The following MINDY4 variants were observed in gnomAD, a reference collection of about 807,000 sequenced individuals.
The protein encoded by MINDY4 is MINDY lysine 48 deubiquitinase 4.
Under a neutral mutation model 87.0 loss-of-function variants are expected in MINDY4, and 68 were observed. The observed-to-expected ratio is 0.78, with a 90% CI of 0.64 to 0.96. The LOEUF (loss-of-function observed/expected upper bound fraction) is 0.96. MINDY4 is among the 40% of genes least tolerant of loss of function. The pLI is 0.00. For missense variants in MINDY4, 919 were observed against 928.2 expected, an observed-to-expected ratio of 0.99 and a Z score of 0.13; for synonymous variants, 379 against 363.2, an observed-to-expected ratio of 1.04 and a Z score of -0.50.
At chr7:30,835,338 T>C (rs981786277) in intron 6 of MINDY4, among the ~76,000 whole-genome samples, 1 of 152,220 alleles carries the variant, frequency 6.6e-6, no homozygotes, top group African/African-American at 2.4e-5. Context: ...GTGAGACTTA[T>C]TCACTATCAT....
chr7:30,819,829 A>G (rs1202573955), intron 5 of MINDY4, among the ~76,000 whole-genome samples: 2 of 149,678 alleles, frequency 1.3e-5, no homozygotes, highest in Non-Finnish European at 3.0e-5. Context: ...TACAAGTGGT[A>G]TATTTTTGCC....
chr7:30,891,870 C>T, intron 17 of MINDY4, 87 bp from the exon 18 acceptor site: 2 of 1,376,884 alleles, frequency 1.5e-6, no homozygotes, highest in East Asian at 2.3e-5. Context: ...AAGACAAAAC[C>T]TTCAGGAAGT....
intron 5 of MINDY4, among the ~76,000 whole-genome samples, chr7:30,817,384 T>TTTG: frequency 6.6e-6 from 1 of 151,844 alleles, no homozygotes; most frequent in Non-Finnish European, 1.5e-5. Flanking sequence ...TTTTTTTTTT[T>TTTG]TTAGCATTCT....
intron 11 of MINDY4, among the ~76,000 whole-genome samples, 160 bp from the exon 12 acceptor site, chr7:30,853,234 G>A (rs1179616776): frequency 6.6e-6 from 1 of 152,216 alleles, no homozygotes; most frequent in African/African-American, 2.4e-5. Context: ...TACAGGTATG[G>A]CCGTGCCTCT....
chr7:30,847,477 C>T (rs1435106201), intron 9 of MINDY4, among the ~76,000 whole-genome samples: 1 of 152,168 alleles, frequency 6.6e-6, no homozygotes, highest in Non-Finnish European at 1.5e-5. Context: ...CAGGTGCCCA[C>T]GGCAGTTGGT....
intron 5 of MINDY4, among the ~76,000 whole-genome samples, chr7:30,798,777 C>T (rs952525441): frequency 2.0e-5 from 3 of 152,184 alleles, no homozygotes; most frequent in Admixed American, 6.5e-5. Context: ...GGATTACAGG[C>T]GTGAGCCACT....
At position 30,807,833 on chromosome 7, in the gene MINDY4, G is replaced by A. The variant is rs150827375; in HGVS notation, c.1073+16259G>A. On this transcript the variant is annotated intron_variant, in intron 5 of 17. Transcript: ENST00000265299. Reference sequence around the variant, plus strand: ...TCAGTTGATCACGACCCTCTCACGCGGACTCTGTTAGAATTGTGCGCCCTT... The same window carrying A: ...TCAGTTGATCACGACCCTCTCACGCAGACTCTGTTAGAATTGTGCGCCCTT... 2.5e-3 allele frequency among the ~76,000 whole-genome samples: 387 copies of A among 152,274 alleles called. 2 individuals are homozygous for A. Among genetic ancestry groups the A allele is most frequent in the African/African-American group, 8.7e-3 (361 of 41,544 alleles).
At chr7:30,834,041 C>T (rs1432264121) in intron 6 of MINDY4, among the ~76,000 whole-genome samples, 1 of 152,214 alleles carries the variant, frequency 6.6e-6, no homozygotes, top group East Asian at 1.9e-4. Flanking sequence ...GCACATGGTG[C>T]AAGCTGTTGG....
intron 13 of MINDY4, among the ~76,000 whole-genome samples, chr7:30,860,836 C>T (rs1789736796): frequency 6.6e-6 from 1 of 152,144 alleles, no homozygotes; most frequent in Non-Finnish European, 1.5e-5. Flanking sequence ...CTACCCTTTC[C>T]AATCAAGCTG....
chr7:30,860,217 G>A (rs760507552), intron 13 of MINDY4, among the ~76,000 whole-genome samples: 7 of 152,200 alleles, frequency 4.6e-5, no homozygotes, highest in Middle Eastern at 3.4e-3. Flanking sequence ...GCCCAGGGGC[G>A]GGAGGTCACA....
chr7:30,804,863 A>C (rs1428385950), intron 5 of MINDY4, among the ~76,000 whole-genome samples: 3 of 152,154 alleles, frequency 2.0e-5, no homozygotes, highest in African/African-American at 7.2e-5. Context: ...AAGGACATAG[A>C]GGGCAGGTCT....
At chr7:30,804,996 C>T (rs763379072) in intron 5 of MINDY4, among the ~76,000 whole-genome samples, 2 of 152,156 alleles carry the variant, frequency 1.3e-5, no homozygotes, top group South Asian at 2.1e-4. Flanking sequence ...ACTGCAGGCC[C>T]GACAGGTGCC....
intron 5 of MINDY4, among the ~76,000 whole-genome samples, chr7:30,801,636 A>C (rs1307500924): frequency 1.3e-5 from 2 of 152,090 alleles, no homozygotes; most frequent in Non-Finnish European, 2.9e-5. Flanking sequence ...AAACATGAGA[A>C]ACAGCTCCAG....
intron 16 of MINDY4, 46 bp downstream of exon 16, chr7:30,882,407 G>T (rs1178756360): frequency 7.7e-7 from 1 of 1,292,146 alleles, no homozygotes; most frequent in Non-Finnish European, 1.0e-6. Flanking sequence ...TCCCCAAGGA[G>T]CCTCCAGGCT....
At chr7:30,785,615 C>T (rs1394339372) in intron 3 of MINDY4, 134 bp from the exon 4 acceptor site, 1 of 1,037,780 alleles carries the variant, frequency 9.6e-7, no homozygotes, top group South Asian at 1.5e-5. Flanking sequence ...CATGATAACG[C>T]ACTGGCTGGT....
intron 4 of MINDY4, among the ~76,000 whole-genome samples, chr7:30,789,076 C>A (rs1303305251): frequency 6.6e-6 from 1 of 152,086 alleles, no homozygotes; most frequent in Non-Finnish European, 1.5e-5. Flanking sequence ...TGGAAAAAGG[C>A]AAATTGTGTC....
At chr7:30,787,250 C>T (rs1040767265) in intron 4 of MINDY4, among the ~76,000 whole-genome samples, 8 of 152,184 alleles carry the variant, frequency 5.3e-5, no homozygotes, top group African/African-American at 1.9e-4. Flanking sequence ...AGAGCCTTCC[C>T]GCCACTGTGT....
chr7:30,783,510 C>T (rs1315164250), intron 3 of MINDY4, among the ~76,000 whole-genome samples: 2 of 152,136 alleles, frequency 1.3e-5, no homozygotes, highest in African/African-American at 2.4e-5. Flanking sequence ...TTATTTATAT[C>T]CTACTGCTCA....
chr7:30,771,649 G>T (rs1786638919), intron 1 of MINDY4, 93 bp downstream of exon 1: 2 of 1,304,256 alleles, frequency 1.5e-6, no homozygotes, highest in African/African-American at 1.5e-5. Context: ...TTCTGGGAGG[G>T]CGCCCGTTCC....
Sources: allele counts gnomAD v4.1 joint callset (sites outside exome capture counted in the v4.1 genomes callset), GRCh38; gene constraint gnomAD v4.1.1; transcripts MANE v1.5; gene names NCBI Gene and HGNC (gene_info 2026-07-23, HGNC 2026-07-21).